RBFOX2: variants seen among roughly 807,000 people sequenced by gnomAD.
RBFOX2 encodes the protein RNA binding protein fox-1 homolog 2.
Under a neutral mutation model 49.1 loss-of-function variants are expected in RBFOX2, and 10 were observed. The ratio of observed to expected loss-of-function variants is 0.20; its 90% CI spans 0.13 to 0.35. The LOEUF is 0.35. RBFOX2 is among the 10% of genes least tolerant of loss of function. RBFOX2 has a pLI of 1.00. For synonymous variants in RBFOX2, 183 were observed against 187.4 expected, an observed-to-expected ratio of 0.98 and a Z score of 0.19; for missense variants, 323 against 486.9, an observed-to-expected ratio of 0.66 and a Z score of 3.17.
intron 1 of RBFOX2, among the ~76,000 whole-genome samples, chr22:35,891,728 A>C (rs562129585): frequency 2.6e-5 from 4 of 152,314 alleles, no homozygotes; most frequent in Non-Finnish European, 4.4e-5. Context: ...TTACATAATC[A>C]TCAAACAAGT....
At chr22:35,892,943 C>T (rs949464442) in intron 1 of RBFOX2, among the ~76,000 whole-genome samples, 13 of 152,222 alleles carry the variant, frequency 8.5e-5, no homozygotes, top group Admixed American at 2.6e-4. Flanking sequence ...GTGCCTCCCA[C>T]TGAATGCGTG....
At chr22:35,876,433 A>G (rs889986071) in intron 1 of RBFOX2, among the ~76,000 whole-genome samples, 19 of 151,922 alleles carry the variant, frequency 1.3e-4, no homozygotes, top group African/African-American at 4.4e-4. Flanking sequence ...TACCGAGAAA[A>G]GGGAGCAAAA....
At chr22:35,899,506 T>C (rs2048303805) in intron 1 of RBFOX2, among the ~76,000 whole-genome samples, 1 of 150,316 alleles carries the variant, frequency 6.7e-6, no homozygotes, top group Admixed American at 6.6e-5. Flanking sequence ...ACAGGGAAGC[T>C]AAGTTATCTT....
intron 1 of RBFOX2, among the ~76,000 whole-genome samples, chr22:35,946,713 C>G (rs182243179): frequency 6.6e-6 from 1 of 152,302 alleles, no homozygotes; most frequent in East Asian, 1.9e-4. Context: ...GCCATTCTGC[C>G]TCACTGTAAG....
At chr22:35,959,725 A>C (rs938302012) in intron 1 of RBFOX2, among the ~76,000 whole-genome samples, 1 of 152,184 alleles carries the variant, frequency 6.6e-6, no homozygotes, top group Non-Finnish European at 1.5e-5. Flanking sequence ...GAATAATCTA[A>C]AAACTACAGA....
chr22:35,984,593 G>T (rs935081925), intron 1 of RBFOX2, among the ~76,000 whole-genome samples: 2 of 152,014 alleles, frequency 1.3e-5, no homozygotes, highest in African/African-American at 4.8e-5. Context: ...CTTACAGAGG[G>T]GAAAAAGCTA....
At chr22:35,933,708 C>T (rs1307623531) in intron 1 of RBFOX2, among the ~76,000 whole-genome samples, 1 of 151,978 alleles carries the variant, frequency 6.6e-6, no homozygotes, top group Non-Finnish European at 1.5e-5. Context: ...AATCAATTAA[C>T]TTGTTAAATT....
At position 35,749,515 on chromosome 22, in the gene RBFOX2, ACACACG is replaced by A. The variant is rs149696611; in HGVS notation, c.888-2960_888-2955del. Among the ~76,000 whole-genome samples, 1,190 of 152,290 alleles carry A rather than the reference ACACACG, an allele frequency of 7.8e-3. 8 individuals carry two copies. The highest frequency in any genetic ancestry group is 0.011 in the Non-Finnish European group (756 of 68,010). On this transcript the variant is annotated intron_variant, in intron 9 of 11. Transcript: ENST00000405409. The surrounding 1 kb of genome is among the most constrained non-coding windows in gnomAD (Gnocchi z 4.1). Reference sequence around the variant, plus strand: ...ATTCCTCTCTCTCTCTCTTACACACACACACGCACACACACACATACACTTACTCGA... The same window carrying A: ...ATTCCTCTCTCTCTCTCTTACACACACACACACACACATACACTTACTCGA...
At chr22:35,933,140 C>T (rs1438550648) in intron 1 of RBFOX2, among the ~76,000 whole-genome samples, 1 of 152,124 alleles carries the variant, frequency 6.6e-6, no homozygotes, top group Non-Finnish European at 1.5e-5. Context: ...GGCTGAAAAT[C>T]GGGGTTCAAG....
chr22:35,775,841 C>CAAAAAAAAAAAAAAAA (rs753116056), intron 4 of RBFOX2, among the ~76,000 whole-genome samples: 19 of 56,090 alleles, frequency 3.4e-4, no homozygotes, highest in Non-Finnish European at 3.8e-4. Flanking sequence ...GAATCTGCCT[C>CAAAAAAAAAAAAAAAA]AAAAAAAAAA....
chr22:35,952,165 A>C (rs918593574), intron 1 of RBFOX2, among the ~76,000 whole-genome samples: 7 of 152,224 alleles, frequency 4.6e-5, no homozygotes, highest in African/African-American at 1.7e-4. Context: ...ACACTGTTAC[A>C]ACTTACTGCT....
chr22:35,781,489 T>A, intron 3 of RBFOX2, 111 bp downstream of exon 4: 4 of 1,359,848 alleles, frequency 2.9e-6, no homozygotes, highest in Non-Finnish European at 4.0e-6. Flanking sequence ...TACCTCAGGT[T>A]CTTTCAATCT....
intron 9 of RBFOX2, among the ~76,000 whole-genome samples, chr22:35,753,628 TAAA>T (rs918387208): frequency 7.0e-6 from 1 of 142,520 alleles, no homozygotes; most frequent in African/African-American, 2.6e-5. Context: ...GTTAGTAGAT[TAAA>T]AAAAAAAAAC....
chr22:35,901,643 C>G (rs913890768), intron 1 of RBFOX2, among the ~76,000 whole-genome samples: 5 of 152,156 alleles, frequency 3.3e-5, no homozygotes, highest in Admixed American at 1.3e-4. Context: ...TCTATGATGT[C>G]TAAACTAAGC....
chr22:35,868,381 T>C (rs1447230234), intron 1 of RBFOX2, among the ~76,000 whole-genome samples: 1 of 152,186 alleles, frequency 6.6e-6, no homozygotes, highest in Non-Finnish European at 1.5e-5. Context: ...AACACCATAG[T>C]GCTTGTTACT....
At chr22:35,978,175 AAT>A (rs2150047826) in intron 1 of RBFOX2, among the ~76,000 whole-genome samples, 1 of 152,296 alleles carries the variant, frequency 6.6e-6, no homozygotes, top group South Asian at 2.1e-4. Flanking sequence ...CCTACTGGAG[AAT>A]ATATTTACAA....
intron 1 of RBFOX2, among the ~76,000 whole-genome samples, chr22:35,902,397 T>C (rs1010173307): frequency 1.3e-5 from 2 of 152,194 alleles, no homozygotes; most frequent in Admixed American, 6.5e-5. Flanking sequence ...AATCCAATTG[T>C]CTGCCTTTTC....
At chr22:35,784,478 G>A (rs987870118) in intron 2 of RBFOX2, among the ~76,000 whole-genome samples, 1 of 152,176 alleles carries the variant, frequency 6.6e-6, no homozygotes, top group Non-Finnish European at 1.5e-5. Flanking sequence ...GGAGTGGTGC[G>A]GTATCAGACA....
chr22:35,954,179 G>C (rs566220378), intron 1 of RBFOX2, among the ~76,000 whole-genome samples: 3 of 151,918 alleles, frequency 2.0e-5, no homozygotes, highest in Non-Finnish European at 1.5e-5. Flanking sequence ...TGTGGGGGGA[G>C]GAGGTTTCTT....
Sources: gnomAD v4.1 joint callset for allele counts (sites outside exome capture counted in the v4.1 genomes callset) on GRCh38, gnomAD v4.1.1 for gene constraint, Gnocchi (gnomAD v3.1) non-coding constraint, MANE v1.5 for transcripts, NCBI Gene and HGNC (gene_info 2026-07-23, HGNC 2026-07-21) for gene names.